Variants in PLAC8 observed in about 807,000 individuals in gnomAD.
PLAC8 encodes placenta-specific gene 8 protein.
Under a neutral mutation model 12.6 loss-of-function variants are expected in PLAC8, and 6 were observed. The observed-to-expected ratio is 0.48, with a 90% CI of 0.26 to 0.94. The LOEUF (loss-of-function observed/expected upper bound fraction) is 0.94. Ranked by LOEUF, PLAC8 falls within the 40% of genes least tolerant of loss-of-function variation. PLAC8 has a pLI of 0.14. For synonymous variants in PLAC8, 54 were observed against 52.6 expected, an observed-to-expected ratio of 1.03 and a Z score of -0.11; for missense variants, 122 against 152.7, an observed-to-expected ratio of 0.80 and a Z score of 1.06.
chr4:83,091,566 T>C (rs1192940869), intron 4 of PLAC8, among the ~76,000 whole-genome samples: 1 of 152,226 alleles, frequency 6.6e-6, no homozygotes, highest in Non-Finnish European at 1.5e-5. Context: ...CTCAGGTCAT[T>C]GTGTCAGGTT....
chr4:83,104,752 T>C (rs756372718), intron 3 of PLAC8, 144 bp downstream of exon 3: 11 of 880,810 alleles, frequency 1.2e-5, no homozygotes, highest in African/African-American at 3.3e-5. Context: ...GATCTGTTGC[T>C]ACAACTGAAT....
intron 4 of PLAC8, among the ~76,000 whole-genome samples, chr4:83,091,649 TGGAA>T (rs1731809647): frequency 6.6e-6 from 1 of 152,306 alleles, no homozygotes; most frequent in South Asian, 2.1e-4. Context: ...CTGTACTTTT[TGGAA>T]GGAAGTCACT....
intron 3 of PLAC8, 33 bp downstream of exon 3, chr4:83,104,863 T>C (rs1459035940): frequency 1.2e-6 from 2 of 1,608,130 alleles, no homozygotes; most frequent in Non-Finnish European, 1.7e-6. Context: ...ATGGGGTGCA[T>C]ATTTGAGTGA....
intron 1 of PLAC8, among the ~76,000 whole-genome samples, chr4:83,113,952 T>C (rs1331364208): frequency 1.3e-5 from 2 of 150,774 alleles, no homozygotes; most frequent in Non-Finnish European, 3.0e-5. Context: ...ACATTAATAT[T>C]AATATAATAC....
At chr4:83,114,627 T>C (rs1732490033) in intron 1 of PLAC8, 39 bp downstream of exon 1, 1 of 152,136 alleles carries the variant, frequency 6.6e-6, no homozygotes, top group African/African-American at 2.4e-5. Context: ...TTTTGAATGC[T>C]AAGTTTTTAA....
At chr4:83,098,679 A>T (rs1050565989) in intron 3 of PLAC8, among the ~76,000 whole-genome samples, 1 of 152,178 alleles carries the variant, frequency 6.6e-6, no homozygotes, top group Non-Finnish European at 1.5e-5. Context: ...AGCTGGCTTC[A>T]TGCTATCTTC....
chr4:83,097,576 A>C (rs867506793), intron 3 of PLAC8, among the ~76,000 whole-genome samples: 2 of 152,184 alleles, frequency 1.3e-5, no homozygotes, highest in Non-Finnish European at 2.9e-5. Flanking sequence ...GGACATATGG[A>C]GAGCCATGCC....
rs780066058 is a variant in PLAC8 at position 83,107,826 on chromosome 4, G to A, written c.96C>T (p.Asp32=). The part of the protein sequence containing the change: ...QNSNWQTGMC[D]CFSDCGVCLC... ...TACAGACTCCGCAGTCGCTGAAACA[G>A]TCACACATGCCTGTCTGCCAGTTGG... is the stretch of plus-strand genomic sequence containing the variant. The change falls in exon 2 of 5, where the codon GAC becomes GAT. Residue 32 remains aspartate, a synonymous_variant. Coordinates refer to ENST00000311507, the MANE Select transcript of PLAC8 (RefSeq NM_016619.3). 15 of 1,607,726 alleles carry A rather than the reference G, an allele frequency of 9.3e-6. No individual in the cohort carries two copies. The highest frequency in any genetic ancestry group is 1.2e-5 in the Non-Finnish European group (14 of 1,176,306).
At chr4:83,113,324 C>T (rs1251188781) in intron 1 of PLAC8, among the ~76,000 whole-genome samples, 3 of 152,184 alleles carry the variant, frequency 2.0e-5, no homozygotes, top group Non-Finnish European at 4.4e-5. Flanking sequence ...TTCCCGGGAG[C>T]ACATTCCAAA....
chr4:83,103,516 T>A (rs1326561220), intron 3 of PLAC8, among the ~76,000 whole-genome samples: 1 of 152,230 alleles, frequency 6.6e-6, no homozygotes, highest in Non-Finnish European at 1.5e-5. Flanking sequence ...GCTTAGTTGA[T>A]AAAGCCGTAA....
intron 1 of PLAC8, among the ~76,000 whole-genome samples, chr4:83,113,681 G>C (rs1326967672): frequency 6.6e-6 from 1 of 151,972 alleles, no homozygotes; most frequent in African/African-American, 2.4e-5. Flanking sequence ...AGTTGGCAGG[G>C]GCCACCTTGG....
In PLAC8 at chr4:83,096,973, A is replaced by C. The variant is rs181752952; in HGVS notation, c.244-2182T>G. 2.6e-5 allele frequency among the ~76,000 whole-genome samples: 4 copies of C among 152,348 alleles called. No individual in the cohort carries two copies. In the East Asian group the frequency reaches 7.7e-4, roughly 29 times the overall value. On this transcript the variant is annotated intron_variant, in intron 3 of 4. Coordinates refer to ENST00000311507, the MANE Select transcript of PLAC8 (RefSeq NM_016619.3). Reference sequence around the variant, plus strand: ...TGCAATGAAATGCACAGTCAGTAAAAGCACTGCACCGTCTTCTCCCGTAGT... The same window carrying C: ...TGCAATGAAATGCACAGTCAGTAAACGCACTGCACCGTCTTCTCCCGTAGT...
intron 3 of PLAC8, among the ~76,000 whole-genome samples, chr4:83,104,219 A>G (rs1023148120): frequency 6.6e-6 from 1 of 152,178 alleles, no homozygotes; most frequent in Admixed American, 6.5e-5. Flanking sequence ...GTATAAGCAT[A>G]CCTTTTATGT....
Position 83,107,949 on chromosome 4 carries a change from G to T in PLAC8, c.-28C>A. ...TCAGTGCAGGGCCTTAAAAGCAGTG[G>T]ACTGAAAAGGCAGAGTGGTGTTAGA... On this transcript the variant is annotated splice_region_variant and 5_prime_UTR_variant, in exon 2 of 5. Coordinates refer to ENST00000311507, the MANE Select transcript of PLAC8 (RefSeq NM_016619.3). 9.8e-7 allele frequency: 1 copy of T among 1,020,114 alleles called. No individual in the cohort carries two copies. Among genetic ancestry groups the T allele is most frequent in the Non-Finnish European group, 1.3e-6 (1 of 742,080 alleles). The allele number at this position is 1,020,114 out of a possible 1,614,324, so 63.2% of individuals were successfully genotyped here.
At chr4:83,092,739 G>A (rs1194489703) in intron 4 of PLAC8, 2 of 145,388 alleles carry the variant, frequency 1.4e-5, no homozygotes, top group Non-Finnish European at 3.0e-5. Flanking sequence ...TATTTTCTCT[G>A]TTTTTGCCTC....
intron 3 of PLAC8, among the ~76,000 whole-genome samples, chr4:83,103,648 T>C (rs1732165405): frequency 6.6e-6 from 1 of 152,168 alleles, no homozygotes; most frequent in African/African-American, 2.4e-5. Context: ...GCAGACTTCA[T>C]TGTTGCCTTA....
chr4:83,107,619 G>GTTTTTTTTTT (rs1732283820), intron 2 of PLAC8, among the ~76,000 whole-genome samples, 185 bp downstream of exon 2: 1 of 11,830 alleles, frequency 8.5e-5, no homozygotes, highest in Non-Finnish European at 3.8e-4. Flanking sequence ...CCATACGGAG[G>GTTTTTTTTTT]CTTTTTTTTT....
chr4:83,100,102 G>A lies in PLAC8; in HGVS notation c.243+4794C>T, dbSNP rs180799868. ...TGCCTAACATCCTGCCTAGACGGTG[G>A]AACCCCGTCTCTACTAAAAATACAA... On this transcript the variant is annotated intron_variant, in intron 3 of 4. Coordinates refer to ENST00000311507, the MANE Select transcript of PLAC8 (RefSeq NM_016619.3). 1.6e-3 allele frequency among the ~76,000 whole-genome samples: 243 copies of A among 151,364 alleles called. 4 individuals are homozygous for A. In the East Asian group the frequency reaches 0.036, roughly 22 times the overall value.
chr4:83,111,450 G>A (rs550993474), intron 1 of PLAC8, among the ~76,000 whole-genome samples: 5 of 151,196 alleles, frequency 3.3e-5, no homozygotes, highest in Non-Finnish European at 7.4e-5. Flanking sequence ...GTGGATCCTC[G>A]GTGACAGAGC....
Sources: allele counts gnomAD v4.1 joint callset (sites outside exome capture counted in the v4.1 genomes callset), GRCh38; gene constraint gnomAD v4.1.1; transcripts MANE v1.5; gene names NCBI Gene and HGNC (gene_info 2026-07-23, HGNC 2026-07-21).